The following NPAS3 variants were observed in gnomAD, a reference collection of about 807,000 sequenced individuals.
NPAS3 encodes neuronal PAS domain protein 3.
NPAS3 carries 14 observed loss-of-function variants against 73.1 expected under a neutral mutation model. That is an observed-to-expected ratio of 0.19 (90% CI 0.13 to 0.30). The LOEUF (loss-of-function observed/expected upper bound fraction) is 0.30, where lower values mean the gene tolerates loss of function less well. Among genes scored for constraint, NPAS3 ranks in the 10% least tolerant of loss-of-function variants. The pLI is 1.00. For synonymous variants in NPAS3, 620 were observed against 541.5 expected (o/e 1.14, Z -2.01); for missense variants, 1,096 against 1,250.0 (o/e 0.88, Z 1.86).
chr14:33,677,131 C>T (rs940774709), intron 6 of NPAS3, among the ~76,000 whole-genome samples: 4 of 152,188 alleles, frequency 2.6e-5, no homozygotes, highest in Admixed American at 6.5e-5. Flanking sequence ...GCTGTTCAAA[C>T]ACGGGGAAGA....
chr14:33,667,092 A>G (rs2059472488), intron 5 of NPAS3, among the ~76,000 whole-genome samples: 1 of 152,270 alleles, frequency 6.6e-6, no homozygotes, highest in African/African-American at 2.4e-5. Flanking sequence ...ATATTATTTT[A>G]ACATGCAATC....
chr14:33,763,015 G>C (rs1227973377), intron 7 of NPAS3, among the ~76,000 whole-genome samples: 7 of 152,182 alleles, frequency 4.6e-5, no homozygotes, highest in Admixed American at 6.5e-5. Flanking sequence ...AAATCGCTGG[G>C]CAAGAGATTA....
intron 6 of NPAS3, among the ~76,000 whole-genome samples, chr14:33,714,662 T>G (rs1217320562): frequency 1.3e-5 from 2 of 152,210 alleles, no homozygotes; most frequent in African/African-American, 2.4e-5. Flanking sequence ...GCAAGAGAGA[T>G]AATTATCAAA....
At chr14:33,092,148 G>A (rs943311521) in intron 2 of NPAS3, among the ~76,000 whole-genome samples, 18 of 152,230 alleles carry the variant, frequency 1.2e-4, no homozygotes, top group African/African-American at 3.9e-4. Flanking sequence ...AAGAAATAAA[G>A]GGTATTCAAT....
intron 5 of NPAS3, among the ~76,000 whole-genome samples, chr14:33,631,075 T>G (rs2058364559): frequency 6.6e-6 from 1 of 152,216 alleles, no homozygotes; most frequent in African/African-American, 2.4e-5. Flanking sequence ...TCCAGCTTCT[T>G]CCACTGTGCA....
intron 6 of NPAS3, among the ~76,000 whole-genome samples, chr14:33,690,010 T>C (rs1018931780): frequency 6.6e-6 from 1 of 152,170 alleles, no homozygotes; most frequent in Non-Finnish European, 1.5e-5. Flanking sequence ...ATAGTGTATA[T>C]GACGTGCTTG....
intron 4 of NPAS3, among the ~76,000 whole-genome samples, chr14:33,439,898 G>A (rs1301002415): frequency 6.6e-6 from 1 of 151,988 alleles, no homozygotes; most frequent in Non-Finnish European, 1.5e-5. Flanking sequence ...GGTGCATCAC[G>A]AGGTCAGGAG....
At position 33,445,963 on chromosome 14, in the gene NPAS3, T is replaced by G. The variant is rs113071319; in HGVS notation, c.468+78695T>G. Among the ~76,000 whole-genome samples the G allele has an allele frequency of 9.9e-3, 1,489 of 150,140 alleles. 31 individuals are homozygous for G. The highest frequency in any genetic ancestry group is 0.034 in the African/African-American group (1,390 of 40,614). On this transcript the variant is annotated intron_variant, in intron 4 of 11. Transcript: ENST00000356141. ...TTTTTTTTTTTCAGAAGATCCAAATTTAACTGCTATGGTCAGTGCCATTTA... is the reference window on the plus strand; with the variant it reads ...TTTTTTTTTTTCAGAAGATCCAAATGTAACTGCTATGGTCAGTGCCATTTA...
chr14:33,630,514 T>C (rs927994496), intron 5 of NPAS3, among the ~76,000 whole-genome samples: 2 of 152,208 alleles, frequency 1.3e-5, no homozygotes, highest in East Asian at 1.9e-4. Context: ...TACAAATACA[T>C]ATGTTTGACA....
Position 33,452,499 on chromosome 14 carries a change from G to A in NPAS3, c.468+85231G>A, listed in dbSNP as rs373823978. The stretch of plus-strand genomic sequence containing the variant: ...TGATAAAGACAAGTCATGGCCGGGC[G>A]TGTTGGCTCATGCCTGTAATCCCAG... On this transcript the variant is annotated intron_variant, in intron 4 of 11. Transcript: ENST00000356141. Among the ~76,000 whole-genome samples the A allele has an allele frequency of 4.4e-4, 67 of 152,192 alleles. No homozygotes were observed. In the East Asian group the frequency reaches 0.011, roughly 26 times the overall value.
At chr14:33,649,471 A>G (rs2058928527) in intron 5 of NPAS3, among the ~76,000 whole-genome samples, 1 of 152,230 alleles carries the variant, frequency 6.6e-6, no homozygotes, top group Non-Finnish European at 1.5e-5. Flanking sequence ...TGTATAAAAG[A>G]TGCTATTCCC....
At chr14:33,162,602 C>A (rs1173200651) in intron 2 of NPAS3, among the ~76,000 whole-genome samples, 1 of 152,096 alleles carries the variant, frequency 6.6e-6, no homozygotes, top group East Asian at 1.9e-4. Flanking sequence ...ACTTGACTGT[C>A]CAATGACTGT....
intron 5 of NPAS3, among the ~76,000 whole-genome samples, chr14:33,608,311 T>C (rs1192543726): frequency 6.9e-6 from 1 of 144,856 alleles, no homozygotes; most frequent in Non-Finnish European, 1.5e-5. Context: ...GCAATATGTG[T>C]GTGCATACAT....
At position 33,591,948 on chromosome 14, in the gene NPAS3, C is replaced by A. The variant is rs147795978; in HGVS notation, c.558+31738C>A. Among the ~76,000 whole-genome samples the A allele has an allele frequency of 3.5e-3, 536 of 152,300 alleles. 4 individuals are homozygous for A. The highest frequency in any genetic ancestry group is 4.8e-3 in the Admixed American group (74 of 15,302). Reference sequence around the variant, plus strand: ...GAGAATCTCTTACTCCCCAGACACCCTTACCTGGTACCTTGTCGCTTGTTT... The same window carrying A: ...GAGAATCTCTTACTCCCCAGACACCATTACCTGGTACCTTGTCGCTTGTTT... On this transcript the variant is annotated intron_variant, in intron 5 of 11. Transcript: ENST00000356141.
chr14:33,147,891 T>G (rs1408173417), intron 2 of NPAS3, among the ~76,000 whole-genome samples: 1 of 151,808 alleles, frequency 6.6e-6, no homozygotes, highest in Non-Finnish European at 1.5e-5. Flanking sequence ...TAAGAAAATT[T>G]TCACTTCAGT....
At chr14:33,210,938 A>G (rs1204430686) in intron 2 of NPAS3, among the ~76,000 whole-genome samples, 1 of 152,224 alleles carries the variant, frequency 6.6e-6, no homozygotes, top group Non-Finnish European at 1.5e-5. Flanking sequence ...GTTATGTCAG[A>G]ACCAAGGAAT....
At chr14:33,244,247 A>G (rs1207852780) in intron 3 of NPAS3, among the ~76,000 whole-genome samples, 2 of 152,084 alleles carry the variant, frequency 1.3e-5, no homozygotes, top group Non-Finnish European at 2.9e-5. Context: ...ATGGAGACTT[A>G]TATCTTCTAC....
chr14:33,708,210 C>G (rs1470358951), intron 6 of NPAS3, among the ~76,000 whole-genome samples: 2 of 152,258 alleles, frequency 1.3e-5, no homozygotes, highest in Admixed American at 1.3e-4. Context: ...ACAGACCTCT[C>G]AATGAGCAAG....
intron 4 of NPAS3, among the ~76,000 whole-genome samples, chr14:33,548,464 A>T (rs934950264): frequency 6.6e-6 from 1 of 152,194 alleles, no homozygotes; most frequent in East Asian, 1.9e-4. Flanking sequence ...CCAACTCCAG[A>T]TTTCTTTTGG....
Sources: allele counts gnomAD v4.1 joint callset (sites outside exome capture counted in the v4.1 genomes callset), GRCh38; gene constraint gnomAD v4.1.1; transcripts MANE v1.5; gene names NCBI Gene and HGNC (gene_info 2026-07-23, HGNC 2026-07-21).